Variants in MINDY3 observed in about 807,000 individuals in gnomAD.
MINDY3 encodes the protein MINDY lysine 48 deubiquitinase 3, also known as ubiquitin carboxyl-terminal hydrolase MINDY-3.
In MINDY3, 38 loss-of-function variants were observed where a neutral mutation model predicts 69.2. The observed-to-expected ratio is 0.55, with a 90% CI of 0.42 to 0.72. The LOEUF (loss-of-function observed/expected upper bound fraction) is 0.72. Among genes scored for constraint, MINDY3 ranks in the 30% least tolerant of loss-of-function variants. The pLI is 0.00. For missense variants in MINDY3, 522 were observed against 519.0 expected, an observed-to-expected ratio of 1.01 and a Z score of -0.06; for synonymous variants, 192 against 180.1, an observed-to-expected ratio of 1.07 and a Z score of -0.53.
chr10:15,790,241 T>C (rs961044788), intron 11 of MINDY3, among the ~76,000 whole-genome samples: 11 of 152,142 alleles, frequency 7.2e-5, no homozygotes, highest in African/African-American at 2.2e-4. Flanking sequence ...AATGAAGTTA[T>C]GATTGTAGAA....
At chr10:15,840,275 A>G (rs1294402801) in intron 4 of MINDY3, among the ~76,000 whole-genome samples, 1 of 151,696 alleles carries the variant, frequency 6.6e-6, no homozygotes, top group African/African-American at 2.4e-5. Context: ...ACTGTTTTCC[A>G]CTTGTTGTCT....
intron 8 of MINDY3, 124 bp downstream of exon 8, chr10:15,833,506 C>G: frequency 1.8e-6 from 1 of 556,960 alleles, no homozygotes; most frequent in Non-Finnish European, 3.1e-6. Flanking sequence ...GTAAAGGATT[C>G]TTCTATTAGA....
chr10:15,854,250 T>C (rs899916674), intron 1 of MINDY3, among the ~76,000 whole-genome samples: 1 of 152,134 alleles, frequency 6.6e-6, no homozygotes, highest in Non-Finnish European at 1.5e-5. Flanking sequence ...AAGAAGATTA[T>C]GTGTAATTAT....
intron 2 of MINDY3, 105 bp downstream of exon 2, chr10:15,847,759 G>T: frequency 1.5e-6 from 1 of 683,554 alleles, no homozygotes; most frequent in Non-Finnish European, 2.5e-6. Context: ...AGAGTTAATT[G>T]ATTATGTCTC....
intron 8 of MINDY3, among the ~76,000 whole-genome samples, chr10:15,822,276 T>C (rs565481159): frequency 2.6e-5 from 4 of 152,226 alleles, no homozygotes; most frequent in Admixed American, 2.0e-4. Context: ...ATCTCTGCCT[T>C]AGAAAGGCTA....
chr10:15,816,995 A>C, intron 9 of MINDY3, 80 bp from the exon 10 acceptor site: 1 of 1,035,742 alleles, frequency 9.7e-7, no homozygotes, highest in Admixed American at 1.9e-5. Flanking sequence ...AAATATCTGA[A>C]GCATAAAGTG....
intron 1 of MINDY3, among the ~76,000 whole-genome samples, chr10:15,850,648 C>A (rs1176323221): frequency 6.6e-6 from 1 of 152,194 alleles, no homozygotes; most frequent in Non-Finnish European, 1.5e-5. Context: ...CTCTCAAACC[C>A]TGTCTCCTGA....
At position 15,782,212 on chromosome 10, in the gene MINDY3, T is replaced by G; in HGVS notation, c.1131A>C (p.Pro377=). 1 of 1,606,228 alleles carries G rather than the reference T, an allele frequency of 6.2e-7. No homozygotes were observed. The highest frequency in any genetic ancestry group is 8.5e-7 in the Non-Finnish European group (1 of 1,174,378). ...TGTAGTGGTAGACAGTAAAAGATTC[T>G]GGACCACTGGAGCCCTATTATAAAT... ...EFFPDQGSSG[P]ESFTVYHYNG... is the part of the protein sequence containing the mutation. The change falls in exon 14 of 15, where the codon CCA becomes CCC. Residue 377 remains proline (P), a synonymous_variant. Coordinates refer to ENST00000277632, the MANE Select transcript of MINDY3 (RefSeq NM_024948.4).
In MINDY3 at chr10:15,860,333, G is replaced by A. The variant is rs564770574; in HGVS notation, c.-34C>T. On this transcript the variant is annotated 5_prime_UTR_variant, in exon 1 of 15. Transcript: ENST00000277632. ...ACCGGCGGGCGGATCTTCGCTTTGC[G>A]GACTCCTGCCCCGGAACATGGGGAA... The A allele has an allele frequency of 1.1e-5, 17 of 1,500,860 alleles. No individual in the cohort carries two copies. The South Asian group carries it at 1.7e-4, about 15-fold the overall frequency. 93.0% of individuals were successfully genotyped at this position (1,500,860 alleles called of 1,614,324 possible). A position where few individuals can be genotyped will look rare whatever the true frequency, so the allele number is the denominator to read the frequency against.
intron 1 of MINDY3, among the ~76,000 whole-genome samples, chr10:15,848,674 T>TAAAAAAAAAAAAAAAAAAAAAAA (rs1834048557): frequency 2.6e-5 from 3 of 115,718 alleles, no homozygotes; most frequent in African/African-American, 1.1e-4. Flanking sequence ...AAAGAAAAAT[T>TAAAAAAAAAAAAAAAAAAAAAAA]AAATGGCATT....
intron 1 of MINDY3, among the ~76,000 whole-genome samples, chr10:15,856,869 T>G (rs1834727443): frequency 6.6e-6 from 1 of 152,196 alleles, no homozygotes; most frequent in Non-Finnish European, 1.5e-5. Context: ...CCATCTCCAC[T>G]ACCACTACTC....
chr10:15,808,171 G>C (rs995866860), intron 10 of MINDY3, among the ~76,000 whole-genome samples: 1 of 152,152 alleles, frequency 6.6e-6, no homozygotes, highest in Non-Finnish European at 1.5e-5. Flanking sequence ...CCTTTAAGTT[G>C]TTATTTTAAG....
chr10:15,789,207 CT>C, intron 12 of MINDY3, 39 bp downstream of exon 12: 1 of 1,514,884 alleles, frequency 6.6e-7, no homozygotes. Flanking sequence ...TTAATCGAAT[CT>C]TTTTGAGTTG....
At chr10:15,785,005 C>A (rs893457240) in intron 13 of MINDY3, among the ~76,000 whole-genome samples, 3 of 152,222 alleles carry the variant, frequency 2.0e-5, no homozygotes, top group African/African-American at 7.2e-5. Flanking sequence ...GCCTCCAGAT[C>A]ACTTGCAGGG....
chr10:15,781,875 T>C (rs764366193), intron 14 of MINDY3, among the ~76,000 whole-genome samples: 3 of 152,196 alleles, frequency 2.0e-5, no homozygotes, highest in Non-Finnish European at 4.4e-5. Context: ...ACTACGATGT[T>C]GATTTAGAAA....
At chr10:15,845,998 T>C (rs886490038) in intron 2 of MINDY3, among the ~76,000 whole-genome samples, 17 of 151,876 alleles carry the variant, frequency 1.1e-4, no homozygotes, top group African/African-American at 4.1e-4. Context: ...AATTTTTGTA[T>C]TTTTAGTAGA....
intron 8 of MINDY3, among the ~76,000 whole-genome samples, chr10:15,833,242 T>C (rs1171770468): frequency 2.0e-5 from 3 of 152,168 alleles, no homozygotes; most frequent in African/African-American, 7.2e-5. Context: ...AAAAGTAATA[T>C]AGGCAAAAAC....
rs1431411832 is a variant in MINDY3, at chr10:15,807,385, C to G, written c.882+9450G>C. Among the ~76,000 whole-genome samples the G allele has an allele frequency of 2.0e-5, 3 of 152,224 alleles. No homozygotes were observed. The South Asian group carries it at 6.2e-4, about 32-fold the overall frequency. Reference sequence around the variant, plus strand: ...CAATACGAATGGTGGAAGGTTGGACCAGGAATGCTGAGCAAGACTTTGATA... The same window carrying G: ...CAATACGAATGGTGGAAGGTTGGACGAGGAATGCTGAGCAAGACTTTGATA... On this transcript the variant is annotated intron_variant, in intron 10 of 14. Transcript: ENST00000277632.
chr10:15,859,605 A>G (rs1834942335), intron 1 of MINDY3, among the ~76,000 whole-genome samples: 1 of 152,064 alleles, frequency 6.6e-6, no homozygotes, highest in Non-Finnish European at 1.5e-5. Flanking sequence ...ACTATGATCC[A>G]TATTCCTTTT....
Sources: gnomAD v4.1 joint callset for allele counts (sites outside exome capture counted in the v4.1 genomes callset) on GRCh38, gnomAD v4.1.1 for gene constraint, MANE v1.5 for transcripts, NCBI Gene and HGNC (gene_info 2026-07-23, HGNC 2026-07-21) for gene names.